KHDC4: variants seen among roughly 807,000 people sequenced by gnomAD.
KHDC4 encodes KH homology domain-containing protein 4.
Under a neutral mutation model 74.5 loss-of-function variants are expected in KHDC4, and 19 were observed. That is an observed-to-expected ratio of 0.26 (90% CI 0.18 to 0.37). The LOEUF is 0.37. KHDC4 is among the 10% of genes least tolerant of loss of function. The pLI, the probability that KHDC4 is intolerant of heterozygous loss-of-function variation, is 1.00. For missense variants in KHDC4, 632 were observed against 754.1 expected, an observed-to-expected ratio of 0.84 and a Z score of 1.90; for synonymous variants, 253 against 266.1, an observed-to-expected ratio of 0.95 and a Z score of 0.48.
At position 155,913,360 on chromosome 1, in the gene KHDC4, G is replaced by A. The variant is rs2102594536; in HGVS notation, c.*761C>T. 1 of 152,474 alleles carries A rather than the reference G, an allele frequency of 6.6e-6. No individual in the cohort carries two copies. Among genetic ancestry groups the A allele is most frequent in the Non-Finnish European group, 1.5e-5 (1 of 68,030 alleles). 9.4% of individuals were successfully genotyped at this position (152,474 alleles called of 1,614,324 possible). ...GTTTTAGCTGCAACCAGTTCTGGGA[G>A]AGAGAGACCACTGTATTTCATTTCT... On this transcript the variant is annotated 3_prime_UTR_variant, in exon 14 of 14. Coordinates refer to ENST00000368321, the MANE Select transcript of KHDC4 (RefSeq NM_014949.4).
chr1:155,925,413 C>A (rs181458217), intron 7 of KHDC4, among the ~76,000 whole-genome samples: 40 of 152,112 alleles, frequency 2.6e-4, no homozygotes, highest in Non-Finnish European at 4.0e-4. Flanking sequence ...AGTGGTCCTA[C>A]GCCTTGGCCT....
At chr1:155,920,481 A>G (rs375897218) in intron 10 of KHDC4, among the ~76,000 whole-genome samples, 61 of 152,332 alleles carry the variant, frequency 4.0e-4, no homozygotes, top group African/African-American at 1.4e-3. Flanking sequence ...GTTATAAAAG[A>G]AACATACCAG....
At position 155,914,053 on chromosome 1, in the gene KHDC4, G is replaced by A. The variant is rs546104273; in HGVS notation, c.*68C>T. 36 of 1,359,980 alleles carry A rather than the reference G, an allele frequency of 2.6e-5. No individual in the cohort carries two copies. Among genetic ancestry groups the A allele is most frequent in the East Asian group, 1.6e-4 (7 of 43,612 alleles). 84.2% of individuals were successfully genotyped at this position (1,359,980 alleles called of 1,614,324 possible). A position where few individuals can be genotyped will look rare whatever the true frequency, so the allele number is the denominator to read the frequency against. ...TTCCCAGCACAGGCCCCAGAGTCTT[G>A]TTAAATCAAATGCATGCATTATTGC... is the stretch of plus-strand genomic sequence containing the variant. On this transcript the variant is annotated 3_prime_UTR_variant, in exon 14 of 14. Transcript: ENST00000368321.
rs553515581 is a variant in KHDC4 at position 155,913,974 on chromosome 1, C to T, written c.*147G>A. 1 of 637,824 alleles carries T rather than the reference C, an allele frequency of 1.6e-6. No homozygotes were observed. The highest frequency in any genetic ancestry group is 2.8e-6 in the Non-Finnish European group (1 of 362,990). The allele number at this position is 637,824 out of a possible 1,614,324, so 39.5% of individuals were successfully genotyped here. On this transcript the variant is annotated 3_prime_UTR_variant, in exon 14 of 14. Coordinates refer to ENST00000368321, the MANE Select transcript of KHDC4 (RefSeq NM_014949.4). ...AAGGATTTTTGTGGTTGTTAAGGAACCCCTTTAAGAAAGGGGGGCACTGAA... is the reference window on the plus strand; with the variant it reads ...AAGGATTTTTGTGGTTGTTAAGGAATCCCTTTAAGAAAGGGGGGCACTGAA...
At chr1:155,914,622 T>A in intron 13 of KHDC4, 1 of 302,986 alleles carries the variant, frequency 3.3e-6, no homozygotes, top group Non-Finnish European at 6.0e-6. Context: ...GGCTGATATT[T>A]CACCTTTTAA....
intron 2 of KHDC4, among the ~76,000 whole-genome samples, chr1:155,931,290 CAA>C (rs55769714): frequency 1.1e-4 from 12 of 109,616 alleles, no homozygotes; most frequent in Admixed American, 9.9e-5. Context: ...ACTCTATCAC[CAA>C]AAAAAAAAAA....
At chr1:155,917,749 C>T in intron 10 of KHDC4, 77 bp from the exon 11 acceptor site, 1 of 1,175,480 alleles carries the variant, frequency 8.5e-7, no homozygotes, top group Non-Finnish European at 1.2e-6. Context: ...TTACAATATA[C>T]TTTAAGGATC....
At chr1:155,915,469 C>G (rs1673711282) in intron 13 of KHDC4, 1 of 166,562 alleles carries the variant, frequency 6.0e-6, no homozygotes, top group Admixed American at 6.4e-5. Context: ...GATTAAACAC[C>G]TGAATGAACA....
intron 7 of KHDC4, among the ~76,000 whole-genome samples, chr1:155,924,460 C>T (rs764309344): frequency 6.6e-6 from 1 of 151,982 alleles, no homozygotes. Flanking sequence ...TCATCCGCCT[C>T]GGCCCTGAAA....
chr1:155,929,567 C>T, intron 3 of KHDC4, 145 bp downstream of exon 3: 1 of 1,052,336 alleles, frequency 9.5e-7, no homozygotes, highest in Non-Finnish European at 1.4e-6. Context: ...CCATTATCTT[C>T]CTCTGAAGTT....
chr1:155,915,455 G>T (rs551635751), intron 13 of KHDC4: 1 of 156,724 alleles, frequency 6.4e-6, no homozygotes, highest in Admixed American at 6.5e-5. Flanking sequence ...GATTATAGAG[G>T]TTGGATTAAA....
rs1210268598 is a variant in KHDC4, at chr1:155,929,751, T to C, written c.345A>G (p.Thr115=). 1 of 1,612,962 alleles carries C rather than the reference T, an allele frequency of 6.2e-7. No individual in the cohort carries two copies. The highest frequency in any genetic ancestry group is 8.5e-7 in the Non-Finnish European group (1 of 1,179,608). The part of the protein sequence containing the change: ...AEVEINDVPL[T]CRNLLTRGQT... ...GTCCTCGAGTCAGCAAGTTCCTACA[T>C]GTGAGAGGCACATCATTAATTTCTA... is the stretch of plus-strand genomic sequence containing the variant. The change falls in exon 3 of 14, where the codon ACA becomes ACG. Residue 115 remains threonine, a synonymous_variant. Transcript: ENST00000368321.
intron 12 of KHDC4, 86 bp downstream of exon 12, chr1:155,916,539 C>A: frequency 1.1e-6 from 1 of 874,254 alleles, no homozygotes; most frequent in Non-Finnish European, 1.8e-6. Context: ...TTTCAGAATA[C>A]TTAAGCTCAT....
chr1:155,918,838 G>A (rs935353577), intron 10 of KHDC4, among the ~76,000 whole-genome samples: 2 of 152,076 alleles, frequency 1.3e-5, no homozygotes, highest in African/African-American at 4.8e-5. Flanking sequence ...GCAAACCTCT[G>A]AGATTTTTAT....
intron 11 of KHDC4, 165 bp from the exon 12 acceptor site, chr1:155,916,902 G>T: frequency 1.9e-6 from 1 of 539,906 alleles, no homozygotes. Flanking sequence ...CAAAAGTAGG[G>T]ATTTTTTTTT....
chr1:155,927,009 G>C, intron 5 of KHDC4, 95 bp downstream of exon 5: 1 of 1,356,222 alleles, frequency 7.4e-7, no homozygotes. Context: ...ACAAGGGTTA[G>C]AACAGCCATC....
intron 10 of KHDC4, among the ~76,000 whole-genome samples, chr1:155,918,043 A>T (rs968434393): frequency 2.6e-5 from 4 of 152,292 alleles, no homozygotes; most frequent in Admixed American, 1.3e-4. Context: ...CTTGTGGAAG[A>T]AGCAATTTCA....
At chr1:155,925,348 T>G (rs1036088620) in intron 7 of KHDC4, among the ~76,000 whole-genome samples, 2 of 152,012 alleles carry the variant, frequency 1.3e-5, no homozygotes, top group African/African-American at 4.8e-5. Flanking sequence ...AAAATTTTTT[T>G]GGAGAGATGG....
At position 155,914,065 on chromosome 1, in the gene KHDC4, G is replaced by T; in HGVS notation, c.*56C>A. The T allele has an allele frequency of 7.1e-7, 1 of 1,408,464 alleles. No homozygotes were observed. The highest frequency in any genetic ancestry group is 1.0e-6 in the Non-Finnish European group (1 of 992,960). The allele number at this position is 1,408,464 out of a possible 1,614,324, so 87.2% of individuals were successfully genotyped here. A position where few individuals can be genotyped will look rare whatever the true frequency, so the allele number is the denominator to read the frequency against. On this transcript the variant is annotated 3_prime_UTR_variant, in exon 14 of 14. Transcript: ENST00000368321. ...GCCCCAGAGTCTTGTTAAATCAAAT[G>T]CATGCATTATTGCTAAGAAGAGTCA...
Sources: gnomAD v4.1 joint callset for allele counts (sites outside exome capture counted in the v4.1 genomes callset) on GRCh38, gnomAD v4.1.1 for gene constraint, MANE v1.5 for transcripts, NCBI Gene and HGNC (gene_info 2026-07-23, HGNC 2026-07-21) for gene names.